Variants in HPSE2 observed in about 807,000 individuals in gnomAD.
HPSE2 encodes the protein inactive heparanase-2.
A neutral mutation model predicts 60.5 loss-of-function variants in HPSE2; 38 were observed. The observed-to-expected ratio is 0.63, with a 90% confidence interval of 0.48 to 0.82. The LOEUF is 0.82. Ranked by LOEUF, HPSE2 falls within the 40% of genes least tolerant of loss-of-function variation. The probability of loss-of-function intolerance (pLI) is 0.00; values close to 1 mark genes in which losing one functional copy is unlikely to be tolerated. For missense variants in HPSE2, 713 were observed against 740.4 expected, an observed-to-expected ratio of 0.96 and a Z score of 0.43; for synonymous variants, 295 against 293.2, an observed-to-expected ratio of 1.01 and a Z score of -0.06.
At chr10:99,112,265 A>C (rs1056923227) in intron 3 of HPSE2, among the ~76,000 whole-genome samples, 12 of 152,146 alleles carry the variant, frequency 7.9e-5, no homozygotes, top group Non-Finnish European at 1.6e-4. Context: ...TTTGAGACAG[A>C]GTCTCGCTCT....
chr10:98,863,608 A>T (rs1239864542), intron 3 of HPSE2, among the ~76,000 whole-genome samples: 2 of 152,144 alleles, frequency 1.3e-5, no homozygotes, highest in Non-Finnish European at 2.9e-5. Flanking sequence ...TTAGAAAGGG[A>T]TCGTCTCAGA....
chr10:98,764,745 T>C (rs755248463), intron 3 of HPSE2, among the ~76,000 whole-genome samples: 1 of 152,002 alleles, frequency 6.6e-6, no homozygotes. Context: ...TAATCCTGGC[T>C]CCTCTGGAGG....
chr10:98,482,088 T>TGATG (rs1297694155), intron 11 of HPSE2, among the ~76,000 whole-genome samples: 3 of 152,160 alleles, frequency 2.0e-5, no homozygotes, highest in African/African-American at 4.8e-5. Context: ...GATGGAGCAG[T>TGATG]GATGTGCTCA....
intron 4 of HPSE2, among the ~76,000 whole-genome samples, chr10:98,738,630 GA>G (rs1009265644): frequency 3.3e-5 from 5 of 151,690 alleles, no homozygotes; most frequent in Admixed American, 1.3e-4. Flanking sequence ...AAATTTACAA[GA>G]AAAAAAACCC....
chr10:98,712,457 C>T (rs959061489), intron 5 of HPSE2, among the ~76,000 whole-genome samples: 2 of 152,092 alleles, frequency 1.3e-5, no homozygotes, highest in African/African-American at 4.8e-5. Flanking sequence ...TTTCCATCCT[C>T]ATCCACTTAT....
Position 98,490,161 on chromosome 10 carries a change from G to C in HPSE2, c.1356C>G (p.Ile452Met), listed in dbSNP as rs545620798. The change falls in exon 10 of 12, where the codon ATC (isoleucine) becomes ATG (methionine). Residue 452 changes from isoleucine to methionine, a missense_variant. Ile to Met is a conservative substitution (Grantham distance 10). Transcript: ENST00000370552. ...CATGCACAGCCAAGACTTTGGGGCCGATCAGGCGCTTGTAGAGGAGAGAGA... is the reference window on the plus strand; with the variant it reads ...CATGCACAGCCAAGACTTTGGGGCCCATCAGGCGCTTGTAGAGGAGAGAGA... ...YWLSLLYKRLIGPKVLAVHVA... is the reference protein window; with the variant it reads ...YWLSLLYKRLMGPKVLAVHVA... 6.2e-7 allele frequency: 1 copy of C among 1,614,162 alleles called. No homozygotes were observed. The highest frequency in any genetic ancestry group is 1.3e-5 in the African/African-American group (1 of 75,046).
chr10:98,554,540 T>A (rs1457398981), intron 9 of HPSE2, among the ~76,000 whole-genome samples: 1 of 152,210 alleles, frequency 6.6e-6, no homozygotes, highest in African/African-American at 2.4e-5. Context: ...GGAGACTCCA[T>A]CTTGTCTCAG....
At chr10:98,545,695 C>T (rs1241571700) in intron 9 of HPSE2, among the ~76,000 whole-genome samples, 1 of 152,054 alleles carries the variant, frequency 6.6e-6, no homozygotes, top group Non-Finnish European at 1.5e-5. Context: ...ACGCCAATAT[C>T]ATACTGAATG....
At chr10:98,643,502 G>A (rs1946689911) in intron 6 of HPSE2, among the ~76,000 whole-genome samples, 1 of 152,126 alleles carries the variant, frequency 6.6e-6, no homozygotes, top group Non-Finnish European at 1.5e-5. Context: ...CTTATATCAG[G>A]AAATAAAATA....
chr10:98,795,892 A>G (rs1056735525), intron 3 of HPSE2, among the ~76,000 whole-genome samples: 1 of 152,194 alleles, frequency 6.6e-6, no homozygotes, highest in African/African-American at 2.4e-5. Flanking sequence ...TCTAGGCCCT[A>G]GCTCACTGAC....
At chr10:98,908,947 C>A (rs1590058213) in intron 3 of HPSE2, among the ~76,000 whole-genome samples, 1 of 152,094 alleles carries the variant, frequency 6.6e-6, no homozygotes, top group Admixed American at 6.6e-5. Context: ...ACTCCCCTGG[C>A]CATGTAACTG....
chr10:98,925,016 T>G (rs894195540), intron 3 of HPSE2, among the ~76,000 whole-genome samples: 1 of 152,168 alleles, frequency 6.6e-6, no homozygotes, highest in Non-Finnish European at 1.5e-5. Context: ...GAGTTCAATG[T>G]AAAGTCGCCC....
chr10:98,733,147 G>T (rs1378104912), intron 4 of HPSE2, among the ~76,000 whole-genome samples: 2 of 152,086 alleles, frequency 1.3e-5, no homozygotes, highest in African/African-American at 4.8e-5. Flanking sequence ...GTGACACAGG[G>T]TCTTGCTCTG....
chr10:98,894,198 G>A (rs1475673128), intron 3 of HPSE2, among the ~76,000 whole-genome samples: 1 of 152,058 alleles, frequency 6.6e-6, no homozygotes, highest in African/African-American at 2.4e-5. Flanking sequence ...CAATCCTTCA[G>A]TTCAGGACTG....
intron 3 of HPSE2, among the ~76,000 whole-genome samples, chr10:98,807,699 A>T (rs1242344571): frequency 6.6e-6 from 1 of 152,152 alleles, no homozygotes; most frequent in Non-Finnish European, 1.5e-5. Context: ...GTACCTTATC[A>T]AGGTAGGACA....
chr10:99,312,922 A>G, the HPSE2 span, among the ~76,000 whole-genome samples: 1 of 152,144 alleles, frequency 6.6e-6, no homozygotes, highest in Non-Finnish European at 1.5e-5. Flanking sequence ...GCTTCTCATG[A>G]ATGGCTCAGC....
At chr10:98,715,161 A>C (rs1948761130) in intron 5 of HPSE2, among the ~76,000 whole-genome samples, 1 of 151,906 alleles carries the variant, frequency 6.6e-6, no homozygotes, top group Non-Finnish European at 1.5e-5. Flanking sequence ...TGATGGTGTC[A>C]TTCGACACAC....
chr10:99,246,259 T>C, the HPSE2 span, among the ~76,000 whole-genome samples: 1 of 152,206 alleles, frequency 6.6e-6, no homozygotes, highest in African/African-American at 2.4e-5. Context: ...GAAATATTTA[T>C]TGAGGTCTGA....
At chr10:98,995,223 T>C (rs1299450341) in intron 3 of HPSE2, among the ~76,000 whole-genome samples, 1 of 152,218 alleles carries the variant, frequency 6.6e-6, no homozygotes. Flanking sequence ...AGAAGGTACA[T>C]ATTACCTGCA....
Sources: allele counts gnomAD v4.1 joint callset (sites outside exome capture counted in the v4.1 genomes callset), GRCh38; gene constraint gnomAD v4.1.1; transcripts MANE v1.5; gene names NCBI Gene and HGNC (gene_info 2026-07-23, HGNC 2026-07-21).